The following LRP1B variants were observed in gnomAD, a reference collection of about 807,000 sequenced individuals.
LRP1B encodes the protein low-density lipoprotein receptor-related protein 1B.
Under a neutral mutation model 556.6 loss-of-function variants are expected in LRP1B, and 217 were observed. That is an observed-to-expected ratio of 0.39 (90% CI 0.35 to 0.44). LRP1B has a LOEUF of 0.44. Among genes scored for constraint, LRP1B ranks in the 20% least tolerant of loss-of-function variants. The pLI is 1.00. For synonymous variants in LRP1B, 2,047 were observed against 1,865.8 expected, an observed-to-expected ratio of 1.10 and a Z score of -2.50; for missense variants, 5,053 against 5,620.8, an observed-to-expected ratio of 0.90 and a Z score of 3.23.
intron 43 of LRP1B, among the ~76,000 whole-genome samples, chr2:140,557,041 T>A (rs1261115700): frequency 3.3e-5 from 5 of 152,152 alleles, no homozygotes; most frequent in African/African-American, 1.2e-4. Context: ...GGGTTCTGAC[T>A]ACATGACTAT....
intron 2 of LRP1B, among the ~76,000 whole-genome samples, chr2:141,790,599 A>G (rs1426181675): frequency 6.6e-6 from 1 of 151,956 alleles, no homozygotes; most frequent in African/African-American, 2.4e-5. Context: ...GGCTTAAATA[A>G]TATTTTGGAA....
chr2:141,697,341 G>T (rs968326412), intron 2 of LRP1B, among the ~76,000 whole-genome samples: 1 of 151,892 alleles, frequency 6.6e-6, no homozygotes, highest in Admixed American at 6.6e-5. Flanking sequence ...GTAAGTCACC[G>T]AATCAGTACA....
At chr2:140,534,517 C>T (rs540248878) in intron 46 of LRP1B, among the ~76,000 whole-genome samples, 9 of 152,142 alleles carry the variant, frequency 5.9e-5, no homozygotes, top group African/African-American at 2.2e-4. Flanking sequence ...TTCCTATATC[C>T]TTTGCATCTA....
chr2:140,530,471 G>T (rs6740137), intron 47 of LRP1B, among the ~76,000 whole-genome samples: 212 of 152,102 alleles, frequency 1.4e-3, no homozygotes, highest in African/African-American at 5.0e-3. Context: ...CAGACAGCCC[G>T]GCTTATGGGT....
At chr2:141,109,666 C>CAAAA (rs34120181) in intron 7 of LRP1B, among the ~76,000 whole-genome samples, 9 of 134,508 alleles carry the variant, frequency 6.7e-5, no homozygotes, top group African/African-American at 2.0e-4. Flanking sequence ...TACAACCTTG[C>CAAAA]AAAAAAAAAA....
chr2:141,203,480 G>A (rs901599319), intron 6 of LRP1B, among the ~76,000 whole-genome samples: 5 of 152,080 alleles, frequency 3.3e-5, no homozygotes, highest in African/African-American at 9.7e-5. Context: ...AGCAAGAAGA[G>A]CTAACTATCC....
chr2:141,938,090 C>T (rs762223946), intron 1 of LRP1B, among the ~76,000 whole-genome samples: 2 of 152,018 alleles, frequency 1.3e-5, no homozygotes, highest in Admixed American at 6.6e-5. Flanking sequence ...CTTTTGATTA[C>T]TGCAGCTTTG....
chr2:140,412,707 CT>C (rs1421858288), intron 66 of LRP1B, among the ~76,000 whole-genome samples: 1 of 151,898 alleles, frequency 6.6e-6, no homozygotes, highest in Non-Finnish European at 1.5e-5. Context: ...AAAACTGAGG[CT>C]TATGGAGGTT....
rs191677623 is a variant in LRP1B at position 141,266,918 on chromosome 2, T to A, written c.344-12277A>T. Among the ~76,000 whole-genome samples, 7 of 152,278 alleles carry A rather than the reference T, an allele frequency of 4.6e-5. No individual in the cohort carries two copies. The East Asian group carries it at 1.3e-3, about 29-fold the overall frequency. On this transcript the variant is annotated intron_variant, in intron 3 of 90. Transcript: ENST00000389484. ...GTATAAGTTATTACTGGGAATATTG[T>A]ATGAGGAAAAATGTTTACTTTAGCA...
chr2:140,791,924 T>A (rs1166601479), intron 32 of LRP1B, among the ~76,000 whole-genome samples: 2 of 152,198 alleles, frequency 1.3e-5, no homozygotes, highest in African/African-American at 4.8e-5. Flanking sequence ...TTTTTCTACC[T>A]GAAAGTAGGG....
chr2:141,185,684 AAACAAAAAAAAAC>A (rs1214795094), intron 7 of LRP1B, among the ~76,000 whole-genome samples: 4 of 8,276 alleles, frequency 4.8e-4, no homozygotes, highest in East Asian at 0.028. Context: ...AAAAACAAAC[AAACAAAAAAAAAC>A]AAAAAAAAAA....
chr2:140,509,169 A>C (rs546950446), intron 52 of LRP1B, among the ~76,000 whole-genome samples: 47 of 152,070 alleles, frequency 3.1e-4, no homozygotes, highest in Non-Finnish European at 4.1e-4. Context: ...AGGCCATTGG[A>C]GAGATGACTG....
chr2:141,072,520 TG>T (rs1334412172), intron 7 of LRP1B, among the ~76,000 whole-genome samples: 1 of 152,074 alleles, frequency 6.6e-6, no homozygotes, highest in Non-Finnish European at 1.5e-5. Context: ...GTATGCTCTT[TG>T]TCTTCACCAG....
At chr2:140,670,482 T>A (rs1451768574) in intron 41 of LRP1B, among the ~76,000 whole-genome samples, 2 of 152,152 alleles carry the variant, frequency 1.3e-5, no homozygotes, top group Non-Finnish European at 2.9e-5. Context: ...ATAATGTAAA[T>A]GCTAAAACTA....
intron 66 of LRP1B, among the ~76,000 whole-genome samples, chr2:140,419,923 A>G (rs1212519616): frequency 6.6e-6 from 1 of 151,776 alleles, no homozygotes; most frequent in Non-Finnish European, 1.5e-5. Flanking sequence ...CAGGAGAATA[A>G]CCTGAACCCA....
Position 141,058,995 on chromosome 2 carries a change from A to T in LRP1B, c.1296T>A (p.Asp432Glu). The part of the protein sequence containing the change: ...FEDYLYATNS[D>E]NYNIVRINRF... ...GGTTTATCCTTACGATATTGTAGTTATCAGAATTGGTTGCATACAAATAAT... is the reference window on the plus strand; with the variant it reads ...GGTTTATCCTTACGATATTGTAGTTTTCAGAATTGGTTGCATACAAATAAT... Residue 432 changes from aspartate (D) to glutamate (E), a missense_variant, in exon 9 of 91, where the codon GAT (aspartate) becomes GAA (glutamate). Transcript: ENST00000389484. 1 of 1,593,220 alleles carries T rather than the reference A, an allele frequency of 6.3e-7. No individual in the cohort carries two copies. The highest frequency in any genetic ancestry group is 1.3e-5 in the African/African-American group (1 of 74,160).
chr2:141,133,290 CTTTTTT>C (rs3063810), intron 7 of LRP1B, among the ~76,000 whole-genome samples: 1 of 137,236 alleles, frequency 7.3e-6, no homozygotes, highest in Non-Finnish European at 1.6e-5. Flanking sequence ...TGTAACGTCT[CTTTTTT>C]TTTTTTTTCC....
At chr2:140,731,699 C>T (rs961413342) in intron 35 of LRP1B, among the ~76,000 whole-genome samples, 37 of 132,132 alleles carry the variant, frequency 2.8e-4, no homozygotes, top group African/African-American at 7.6e-4. Context: ...ACCCGGGAGA[C>T]GGAGCTTGCA....
At chr2:141,969,694 G>A (rs901541612) in intron 1 of LRP1B, among the ~76,000 whole-genome samples, 4 of 151,626 alleles carry the variant, frequency 2.6e-5, no homozygotes, top group Non-Finnish European at 5.9e-5. Flanking sequence ...ATTGGGAATA[G>A]TGCTACAATG....
Sources: gnomAD v4.1 joint callset for allele counts (sites outside exome capture counted in the v4.1 genomes callset) on GRCh38, gnomAD v4.1.1 for gene constraint, MANE v1.5 for transcripts, NCBI Gene and HGNC (gene_info 2026-07-23, HGNC 2026-07-21) for gene names.